The following NTM variants were observed in gnomAD, a reference collection of about 807,000 sequenced individuals.
The protein encoded by NTM is IgLON family member 2.
Under a neutral mutation model 42.1 loss-of-function variants are expected in NTM, and 13 were observed. The ratio of observed to expected loss-of-function variants is 0.31; its 90% CI spans 0.20 to 0.49. The LOEUF (loss-of-function observed/expected upper bound fraction) is 0.49. Ranked by LOEUF, NTM falls within the 20% of genes least tolerant of loss-of-function variation. The pLI is 0.99. For missense variants in NTM, 373 were observed against 452.8 expected, an observed-to-expected ratio of 0.82 and a Z score of 1.60; for synonymous variants, 187 against 179.2, an observed-to-expected ratio of 1.04 and a Z score of -0.35.
At chr11:131,504,320 C>A (rs2136398190) in intron 1 of NTM, among the ~76,000 whole-genome samples, 1 of 152,280 alleles carries the variant, frequency 6.6e-6, no homozygotes, top group African/African-American at 2.4e-5. Context: ...AACATAAACA[C>A]CTCTCCTCTG....
intron 1 of NTM, among the ~76,000 whole-genome samples, chr11:131,633,713 C>T (rs2063969239): frequency 2.2e-5 from 1 of 45,698 alleles, no homozygotes; most frequent in African/African-American, 5.9e-5. Flanking sequence ...CTCCTTCTCT[C>T]CCTCCCTCTC....
chr11:132,157,974 T>A (rs911238562), intron 3 of NTM, among the ~76,000 whole-genome samples: 5 of 152,210 alleles, frequency 3.3e-5, no homozygotes, highest in Admixed American at 2.6e-4. Context: ...AAGCTGCTGT[T>A]ACCTTTGTCT....
rs1426338736 is a variant in NTM at position 131,482,605 on chromosome 11, AC to A, written c.82+111718del. On this transcript the variant is annotated intron_variant, in intron 1 of 8. Coordinates refer to ENST00000683400, the MANE Select transcript of NTM (RefSeq NM_001352005.2). ...TTAACGTGAATCTTCACAGGCTTGC[AC>A]GCTGCCTTGATTGACAAAGAAACTG... Among the ~76,000 whole-genome samples the A allele has an allele frequency of 1.3e-4, 20 of 152,300 alleles. 1 individual carries two copies. The highest frequency in any genetic ancestry group is 2.4e-4 in the Non-Finnish European group (16 of 68,030).
At chr11:131,450,174 T>C (rs531701785) in intron 1 of NTM, among the ~76,000 whole-genome samples, 2 of 152,302 alleles carry the variant, frequency 1.3e-5, no homozygotes, top group East Asian at 3.9e-4. Flanking sequence ...TACACTCCCA[T>C]GTGGGCCAGT....
chr11:131,382,424 A>C (rs1942802880), intron 1 of NTM, among the ~76,000 whole-genome samples: 1 of 152,128 alleles, frequency 6.6e-6, no homozygotes, highest in Non-Finnish European at 1.5e-5. Context: ...TGATAGGGGG[A>C]ACTCAGGTTC....
At chr11:131,586,034 T>C (rs980846533) in intron 1 of NTM, among the ~76,000 whole-genome samples, 1 of 152,240 alleles carries the variant, frequency 6.6e-6, no homozygotes, top group Non-Finnish European at 1.5e-5. Flanking sequence ...AAAAGTTCAG[T>C]GAAATTACAC....
chr11:131,658,690 C>G (rs943756495), intron 1 of NTM, among the ~76,000 whole-genome samples: 5 of 152,190 alleles, frequency 3.3e-5, no homozygotes, highest in African/African-American at 1.2e-4. Flanking sequence ...GTGTAAGCGG[C>G]CGGACGCGGT....
chr11:132,061,106 A>G (rs565605917), intron 2 of NTM, among the ~76,000 whole-genome samples: 1 of 152,320 alleles, frequency 6.6e-6, no homozygotes, highest in Non-Finnish European at 1.5e-5. Context: ...CCTTCAAAAA[A>G]TACCCATTCT....
chr11:131,801,539 T>G (rs2092110526), intron 1 of NTM, among the ~76,000 whole-genome samples: 1 of 152,196 alleles, frequency 6.6e-6, no homozygotes, highest in South Asian at 2.1e-4. Context: ...TTTCACCTTT[T>G]AAAATGCCCT....
chr11:132,240,064 TCCGTCCATC>T, intron 4 of NTM, among the ~76,000 whole-genome samples: 1 of 92,360 alleles, frequency 1.1e-5, no homozygotes, highest in Admixed American at 1.2e-4. Context: ...CATCCCTCCA[TCCGTCCATC>T]CATCCATCCA....
At chr11:131,718,177 A>G (rs117345475) in intron 1 of NTM, among the ~76,000 whole-genome samples, 1,653 of 152,198 alleles carry the variant, frequency 0.011, 10 homozygotes, top group Middle Eastern at 0.017. Context: ...TTAGTTTTTC[A>G]TAATGTCTTT....
chr11:131,667,280 A>G (rs2069237360), intron 1 of NTM, among the ~76,000 whole-genome samples: 1 of 152,070 alleles, frequency 6.6e-6, no homozygotes, highest in African/African-American at 2.4e-5. Context: ...TGTTCCAGCC[A>G]CCTGGGCTTT....
intron 4 of NTM, among the ~76,000 whole-genome samples, chr11:132,307,249 G>A (rs1280202699): frequency 1.3e-5 from 2 of 152,186 alleles, no homozygotes; most frequent in Non-Finnish European, 1.5e-5. Context: ...AGCTGCTGGT[G>A]TGGCATTTTC....
chr11:131,690,251 T>G (rs2074485417), intron 1 of NTM, among the ~76,000 whole-genome samples: 1 of 152,136 alleles, frequency 6.6e-6, no homozygotes, highest in African/African-American at 2.4e-5. Flanking sequence ...TTCACAGATA[T>G]TTCATTAGGA....
In NTM at chr11:132,146,491, C is replaced by A. The variant is rs756321320; in HGVS notation, c.377C>A (p.Ser126Tyr). Residue 126 changes from serine to tyrosine, a missense_variant, in exon 3 of 9, where the codon TCT becomes TAT. By Grantham distance (144) the Ser-to-Tyr change is moderately radical. Coordinates refer to ENST00000683400, the MANE Select transcript of NTM (RefSeq NM_001352005.2). This position sits in a 1 kb window ranked among gnomAD's most constrained non-coding sequence, Gnocchi z 4.5. ...SVQTDNHPKT[S>Y]RVHLIVQVSP... ...CAGACAGACAACCACCCAAAGACCT[C>A]TAGGGTCCACCTCATTGTGCAAGGT... 9 of 1,614,152 alleles carry A rather than the reference C, an allele frequency of 5.6e-6. No homozygotes were observed. Among genetic ancestry groups the A allele is most frequent in the Non-Finnish European group, 6.8e-6 (8 of 1,180,022 alleles).
chr11:131,649,090 G>A (rs865882950), intron 1 of NTM, among the ~76,000 whole-genome samples: 17 of 152,072 alleles, frequency 1.1e-4, no homozygotes, highest in African/African-American at 1.9e-4. Flanking sequence ...TTGGTCACTC[G>A]AACAACTACG....
intron 1 of NTM, among the ~76,000 whole-genome samples, chr11:131,677,058 A>G (rs760013788): frequency 1.3e-5 from 2 of 152,212 alleles, no homozygotes; most frequent in Non-Finnish European, 2.9e-5. Flanking sequence ...TGCCCAAATC[A>G]CCAGCAGCTA....
intron 1 of NTM, among the ~76,000 whole-genome samples, chr11:131,554,870 G>T (rs2055191698): frequency 6.6e-6 from 1 of 152,092 alleles, no homozygotes; most frequent in African/African-American, 2.4e-5. Context: ...CCTGAGTGGG[G>T]GATGGAGGCT....
chr11:131,403,329 C>T (rs1003838488), intron 1 of NTM, among the ~76,000 whole-genome samples: 12 of 152,162 alleles, frequency 7.9e-5, no homozygotes, highest in African/African-American at 2.4e-4. Flanking sequence ...CCTATTTTCA[C>T]TTCACTCCTT....
Sources: gnomAD v4.1 joint callset for allele counts (sites outside exome capture counted in the v4.1 genomes callset) on GRCh38, gnomAD v4.1.1 for gene constraint, Gnocchi (gnomAD v3.1) non-coding constraint, MANE v1.5 for transcripts, NCBI Gene and HGNC (gene_info 2026-07-23, HGNC 2026-07-21) for gene names.